The following ITSN1 variants were observed in gnomAD, a reference collection of about 807,000 sequenced individuals.
ITSN1 encodes the protein intersectin-1.
A neutral mutation model predicts 239.8 loss-of-function variants in ITSN1; 58 were observed. That is an observed-to-expected ratio of 0.24 (90% CI 0.20 to 0.30). The LOEUF (loss-of-function observed/expected upper bound fraction) is 0.30, where lower values mean the gene tolerates loss of function less well. Among genes scored for constraint, ITSN1 ranks in the 10% least tolerant of loss-of-function variants. ITSN1 has a pLI of 1.00. For missense variants in ITSN1, 1,558 were observed against 2,103.3 expected (o/e 0.74, Z 5.07); for synonymous variants, 780 against 770.8 (o/e 1.01, Z -0.20).
intron 26 of ITSN1, among the ~76,000 whole-genome samples, chr21:33,828,472 C>T (rs1420475655): frequency 4.6e-5 from 7 of 152,302 alleles, no homozygotes; most frequent in Admixed American, 3.3e-4. Flanking sequence ...TCCTGGTGGC[C>T]GACCCCTGAT....
intron 1 of ITSN1, among the ~76,000 whole-genome samples, chr21:33,681,128 G>A (rs78486348): frequency 6.6e-6 from 1 of 152,224 alleles, no homozygotes; most frequent in Non-Finnish European, 1.5e-5. Flanking sequence ...ATATTTACCC[G>A]CCCGGGGATG....
chr21:33,755,324 TC>T lies in ITSN1; in HGVS notation c.653del (p.Pro218LeufsTer6), dbSNP rs1457912943. 6.2e-7 allele frequency: 1 copy of T among 1,610,774 alleles called. No individual in the cohort carries two copies. Among genetic ancestry groups the T allele is most frequent in the African/African-American group, 1.3e-5 (1 of 74,856 alleles). On this transcript the variant is annotated frameshift_variant, in exon 8 of 40. Transcript: ENST00000381318. LOFTEE classifies it high-confidence loss of function. ...SVPPVAEWAVPQSSRLKYRQL... is the reference protein window; with the variant it reads ...SVPPVAEWAVXQSSRLKYRQL... ...TCCCACCAGTGGCAGAGTGGGCTGT[TC>T]CTCAGTCATCAAGACTGAAATACAG... is the stretch of plus-strand genomic sequence containing the variant.
chr21:33,682,403 C>T (rs1356312773), intron 1 of ITSN1, among the ~76,000 whole-genome samples: 1 of 151,692 alleles, frequency 6.6e-6, no homozygotes, highest in Admixed American at 6.6e-5. Context: ...TTGGTAGAGG[C>T]GGGGTTTCTC....
intron 23 of ITSN1, 100 bp from the exon 24 acceptor site, chr21:33,819,141 A>G: frequency 1.2e-6 from 1 of 858,506 alleles, no homozygotes; most frequent in East Asian, 2.5e-5. Flanking sequence ...GGGTCGTTTA[A>G]AGTTTTAAAA....
Position 33,867,528 on chromosome 21 carries a change from C to T in ITSN1, c.4173+197C>T, listed in dbSNP as rs150037351. Among the ~76,000 whole-genome samples the T allele has an allele frequency of 2.7e-3, 412 of 151,772 alleles. 2 individuals carry two copies. Among genetic ancestry groups the T allele is most frequent in the South Asian group, 0.024 (116 of 4,810 alleles). On this transcript the variant is annotated intron_variant, in intron 33 of 39. Transcript: ENST00000381318. ...TATCACGCAAAGAGCTGGCTGGGCA[C>T]GGTGGCCCGCGCCTGTAATCCCAGC... is the stretch of plus-strand genomic sequence containing the variant.
At chr21:33,722,308 G>A (rs751269286) in intron 3 of ITSN1, among the ~76,000 whole-genome samples, 1 of 152,214 alleles carries the variant, frequency 6.6e-6, no homozygotes, top group Non-Finnish European at 1.5e-5. Flanking sequence ...ACAATGGGTA[G>A]CTGTTCATAT....
chr21:33,830,935 G>A (rs1221146068), intron 27 of ITSN1, among the ~76,000 whole-genome samples: 3 of 152,108 alleles, frequency 2.0e-5, no homozygotes, highest in African/African-American at 7.2e-5. Context: ...ACAAATGAGG[G>A]AGCAGCTGCT....
At chr21:33,648,269 AC>A (rs944198362) in intron 1 of ITSN1, among the ~76,000 whole-genome samples, 7 of 152,232 alleles carry the variant, frequency 4.6e-5, no homozygotes, top group African/African-American at 1.7e-4. Context: ...CATCTTATAT[AC>A]ATTAACTCAC....
chr21:33,796,794 T>TATA (rs1456298679), intron 17 of ITSN1, among the ~76,000 whole-genome samples: 17 of 152,248 alleles, frequency 1.1e-4, no homozygotes, highest in Admixed American at 1.1e-3. Flanking sequence ...TTTCTGACTT[T>TATA]ATAAAGTATT....
At chr21:33,837,075 G>C in intron 29 of ITSN1, 1 of 1,588,736 alleles carries the variant, frequency 6.3e-7, no homozygotes, top group African/African-American at 1.3e-5. Context: ...GATGATGGGA[G>C]ATGCAGCCTT....
rs1354616112 is a variant in ITSN1 at position 33,826,864 on chromosome 21, G to A, written c.3229+1G>A. The A allele has an allele frequency of 6.2e-7, 1 of 1,612,724 alleles. No individual in the cohort carries two copies. The highest frequency in any genetic ancestry group is 1.7e-5 in the Admixed American group (1 of 60,018). On this transcript the variant is annotated splice_donor_variant, in intron 26 of 39. Coordinates refer to ENST00000381318, the MANE Select transcript of ITSN1 (RefSeq NM_003024.3). LOFTEE classifies it high-confidence loss of function. ...ACAGGGAGTTTAGGAAAAAAACCTG[G>A]TAAGTTACAAACCCTGATGCTTACT...
chr21:33,817,745 A>G (rs2073385970), intron 22 of ITSN1: 1 of 833,252 alleles, frequency 1.2e-6, no homozygotes, highest in Non-Finnish European at 1.6e-6. Context: ...AATTTATGCT[A>G]ACCAAATCCC....
chr21:33,682,467 G>A (rs553395095), intron 1 of ITSN1, among the ~76,000 whole-genome samples: 2 of 151,978 alleles, frequency 1.3e-5, no homozygotes, highest in African/African-American at 2.4e-5. Context: ...CACCCGCCTC[G>A]GCCTCCCAAA....
chr21:33,743,282 A>T (rs570712611), intron 5 of ITSN1, among the ~76,000 whole-genome samples: 14 of 152,344 alleles, frequency 9.2e-5, no homozygotes, highest in Non-Finnish European at 1.9e-4. Flanking sequence ...CCTGGCCAAC[A>T]TGGCAAAACC....
In ITSN1 at chr21:33,829,649, C is replaced by T. The variant is rs761301717; in HGVS notation, c.3255C>T (p.Tyr1085=). The change falls in exon 27 of 40, where the codon TAC becomes TAT. Residue 1085 remains tyrosine, a synonymous_variant. Transcript: ENST00000381318. Reference sequence around the variant, plus strand: ...AAATTGCCCAGGTTATTGCCTCATACACCGCCACCGGCCCCGAGCAGCTCA... The same window carrying T: ...AAATTGCCCAGGTTATTGCCTCATATACCGCCACCGGCCCCGAGCAGCTCA... The part of the protein sequence containing the change: ...KPEIAQVIAS[Y]TATGPEQLTL... 1 of 1,612,302 alleles carries T rather than the reference C, an allele frequency of 6.2e-7. No individual in the cohort carries two copies. Among genetic ancestry groups the T allele is most frequent in the South Asian group, 1.1e-5 (1 of 90,992 alleles).
At chr21:33,802,380 A>C in intron 19 of ITSN1, 50 bp from the exon 20 acceptor site, 1 of 1,588,050 alleles carries the variant, frequency 6.3e-7, no homozygotes, top group South Asian at 1.1e-5. Flanking sequence ...AAAGCATGTC[A>C]TTAAACATAT....
chr21:33,818,520 G>A (rs368350938), intron 23 of ITSN1, 48 bp downstream of exon 23: 60 of 1,459,866 alleles, frequency 4.1e-5, no homozygotes, highest in East Asian at 6.8e-5. Context: ...AATATTAGGC[G>A]TTATATTACT....
At chr21:33,819,796 C>A (rs2073539524) in intron 24 of ITSN1, among the ~76,000 whole-genome samples, 1 of 151,798 alleles carries the variant, frequency 6.6e-6, no homozygotes. Flanking sequence ...TCCTGGCTAA[C>A]AAGGTGAAAC....
rs747202729 is a variant in ITSN1 at position 33,774,821 on chromosome 21, G to A, written c.1398G>A (p.Glu466=). The change falls in exon 13 of 40, where the codon GAG becomes GAA. Residue 466 remains glutamate, a synonymous_variant. Coordinates refer to ENST00000381318, the MANE Select transcript of ITSN1 (RefSeq NM_003024.3). ...ELLNQRNKEQ[E]DIVVLKAKKK... is the part of the protein sequence containing the mutation. The stretch of plus-strand genomic sequence containing the variant: ...TAAATCAAAGAAACAAAGAACAAGA[G>A]GACATAGTTGTACTGAAAGCAAAGA... The A allele has an allele frequency of 6.2e-7, 1 of 1,613,838 alleles. No homozygotes were observed. Among genetic ancestry groups the A allele is most frequent in the South Asian group, 1.1e-5 (1 of 91,050 alleles).
Sources: gnomAD v4.1 joint callset for allele counts (sites outside exome capture counted in the v4.1 genomes callset) on GRCh38, gnomAD v4.1.1 for gene constraint, MANE v1.5 for transcripts, NCBI Gene and HGNC (gene_info 2026-07-23, HGNC 2026-07-21) for gene names.